Variants in MYO5C observed in about 807,000 individuals in gnomAD.
The protein encoded by MYO5C is unconventional myosin-Vc.
MYO5C carries 194 observed loss-of-function variants against 235.7 expected under a neutral mutation model. That is an observed-to-expected ratio of 0.82 (90% confidence interval 0.73 to 0.93). The LOEUF is 0.93. Among genes scored for constraint, MYO5C ranks in the 40% least tolerant of loss-of-function variants. The pLI is 0.00. For missense variants in MYO5C, 2,038 were observed against 2,127.2 expected, an observed-to-expected ratio of 0.96 and a Z score of 0.82; for synonymous variants, 707 against 754.8, an observed-to-expected ratio of 0.94 and a Z score of 1.04.
intron 36 of MYO5C, 43 bp downstream of exon 36, chr15:52,208,508 AGAC>A: frequency 1.9e-6 from 3 of 1,570,544 alleles, no homozygotes; most frequent in Non-Finnish European, 2.6e-6. Flanking sequence ...AGGAGGTTAT[AGAC>A]TGGCTGTCAG....
Position 52,193,973 on chromosome 15 carries a change from G to C in MYO5C, c.5158C>G (p.Pro1720Ala). ...YLFQVTFPFT[P>A]SPHALEMIQI... is the part of the protein sequence containing the mutation. ...ATCATTTCCAGAGCATGTGGAGAGG[G>C]GGTAAAAGGAAATGTGACTTGAAAG... The change falls in exon 41 of 41, where the codon CCC becomes GCC. Residue 1720 changes from proline to alanine, a missense_variant. Transcript: ENST00000261839. 2 of 1,613,706 alleles carry C rather than the reference G, an allele frequency of 1.2e-6. No individual in the cohort carries two copies. Among genetic ancestry groups the C allele is most frequent in the Non-Finnish European group, 1.7e-6 (2 of 1,179,864 alleles).
At chr15:52,206,187 C>T (rs1874657810) in intron 36 of MYO5C, among the ~76,000 whole-genome samples, 1 of 152,148 alleles carries the variant, frequency 6.6e-6, no homozygotes, top group South Asian at 2.1e-4. Context: ...CACTTCCCTA[C>T]AAACATTGTC....
intron 7 of MYO5C, 32 bp from the exon 8 acceptor site, chr15:52,269,892 G>T: frequency 1.4e-6 from 2 of 1,461,802 alleles, no homozygotes; most frequent in Non-Finnish European, 1.9e-6. Flanking sequence ...TGTTATGTCT[G>T]TAACACAGAA....
At chr15:52,243,731 C>T (rs1340674987) in intron 19 of MYO5C, among the ~76,000 whole-genome samples, 1 of 152,244 alleles carries the variant, frequency 6.6e-6, no homozygotes, top group Admixed American at 6.5e-5. Context: ...CACCAAAGCC[C>T]TGGAAGTCCC....
At chr15:52,249,619 G>A (rs1455957548) in intron 13 of MYO5C, among the ~76,000 whole-genome samples, 1 of 152,126 alleles carries the variant, frequency 6.6e-6, no homozygotes, top group African/African-American at 2.4e-5. Flanking sequence ...AGGAACACCG[G>A]CTGTTTGCAA....
chr15:52,238,345 C>T (rs2036134590), intron 21 of MYO5C, among the ~76,000 whole-genome samples: 1 of 152,232 alleles, frequency 6.6e-6, no homozygotes, highest in South Asian at 2.1e-4. Context: ...TGCTCCTGGC[C>T]GGCTGCGGCT....
intron 38 of MYO5C, among the ~76,000 whole-genome samples, chr15:52,199,384 C>T (rs2035131878): frequency 6.6e-6 from 1 of 152,116 alleles, no homozygotes; most frequent in Admixed American, 6.5e-5. Flanking sequence ...CTTGTCTGTC[C>T]CACTGAATGC....
rs1478550680 is a variant in MYO5C, at chr15:52,245,462, C to A, written c.2070G>T (p.Trp690Cys). 1 of 1,611,102 alleles carries A rather than the reference C, an allele frequency of 6.2e-7. No individual in the cohort carries two copies. Among genetic ancestry groups the A allele is most frequent in the South Asian group, 1.1e-5 (1 of 91,018 alleles). Residue 690 changes from tryptophan to cysteine, a missense_variant, in exon 18 of 41, where the codon TGG (tryptophan) becomes TGT (cysteine). Coordinates refer to ENST00000261839, the MANE Select transcript of MYO5C (RefSeq NM_018728.4). Reference protein sequence around the residue: ...RISAQSYPSRWTYIEFYSRYG... With the variant: ...RISAQSYPSRCTYIEFYSRYG... ...AGCGACTGTAGAACTCGATGTATGT[C>A]CACCTGGAAAATCAAAGGGGATCAA... is the stretch of plus-strand genomic sequence containing the variant.
chr15:52,225,067 A>G lies in MYO5C; in HGVS notation c.3365+8T>C, dbSNP rs2035790477. The G allele has an allele frequency of 3.7e-6, 6 of 1,614,090 alleles. No homozygotes were observed. The highest frequency in any genetic ancestry group is 1.7e-6 in the Non-Finnish European group (2 of 1,179,982). On this transcript the variant is annotated splice_region_variant and intron_variant, in intron 27 of 40. Coordinates refer to ENST00000261839, the MANE Select transcript of MYO5C (RefSeq NM_018728.4). ...TCTTAAAATGTTTGATAATGCAAAA[A>G]TGATTACCTGCTTCTTACATCTTCA...
chr15:52,218,102 A>C (rs1172695748), intron 32 of MYO5C, among the ~76,000 whole-genome samples: 2 of 152,254 alleles, frequency 1.3e-5, no homozygotes, highest in East Asian at 3.8e-4. Flanking sequence ...TCATAGAAGA[A>C]CATTTTGACT....
At chr15:52,289,613 A>C (rs1425854309) in intron 1 of MYO5C, among the ~76,000 whole-genome samples, 4 of 136,948 alleles carry the variant, frequency 2.9e-5, no homozygotes, top group Admixed American at 7.2e-5. Flanking sequence ...CCCCAACCCT[A>C]CCCCCACCAA....
At chr15:52,240,633 G>A (rs1428129488) in intron 20 of MYO5C, among the ~76,000 whole-genome samples, 4 of 151,916 alleles carry the variant, frequency 2.6e-5, no homozygotes, top group African/African-American at 4.8e-5. Flanking sequence ...TCAGGAGGCC[G>A]AGATGGGAGG....
At chr15:52,286,761 T>C (rs1418378614) in intron 1 of MYO5C, among the ~76,000 whole-genome samples, 2 of 151,688 alleles carry the variant, frequency 1.3e-5, no homozygotes, top group Non-Finnish European at 2.9e-5. Flanking sequence ...TTGAGAGTCA[T>C]CACCACTCCC....
At chr15:52,201,320 C>A (rs1596131559) in intron 38 of MYO5C, among the ~76,000 whole-genome samples, 1 of 152,072 alleles carries the variant, frequency 6.6e-6, no homozygotes, top group African/African-American at 2.4e-5. Flanking sequence ...GGGAATAATT[C>A]AAATGACTAT....
Position 52,294,282 on chromosome 15 carries a change from C to G in MYO5C, c.27+1328G>C, listed in dbSNP as rs184445284. The stretch of plus-strand genomic sequence containing the variant: ...CGTCGAAGACTAGTCCAAGACTTTT[C>G]TTTCACTTCCAGTAAACTGAAGGCT... On this transcript the variant is annotated intron_variant, in intron 1 of 40. Coordinates refer to ENST00000261839, the MANE Select transcript of MYO5C (RefSeq NM_018728.4). Among the ~76,000 whole-genome samples, 3 of 152,364 alleles carry G rather than the reference C, an allele frequency of 2.0e-5. No individual in the cohort carries two copies. In the East Asian group the frequency reaches 5.8e-4, roughly 29 times the overall value.
chr15:52,205,117 T>C lies in MYO5C; in HGVS notation c.4568A>G (p.Gln1523Arg). ...TGTGGGCTTCAGGCCGGAAATGCCCTGCAGGCTCTCATACTCCAGCATTCC... is the reference window on the plus strand; with the variant it reads ...TGTGGGCTTCAGGCCGGAAATGCCCCGCAGGCTCTCATACTCCAGCATTCC... ...VPGMLEYESL[Q>R]GISGLKPTGF... Residue 1523 changes from glutamine (Q) to arginine (R), a missense_variant, in exon 38 of 41, where the codon CAG becomes CGG. By Grantham distance (43) the Gln-to-Arg change is conservative. Coordinates refer to ENST00000261839, the MANE Select transcript of MYO5C (RefSeq NM_018728.4). 1 of 1,614,206 alleles carries C rather than the reference T, an allele frequency of 6.2e-7. No homozygotes were observed. Among genetic ancestry groups the C allele is most frequent in the Non-Finnish European group, 8.5e-7 (1 of 1,180,038 alleles).
intron 10 of MYO5C, among the ~76,000 whole-genome samples, chr15:52,257,786 G>T (rs746481246): frequency 2.6e-5 from 4 of 152,198 alleles, no homozygotes; most frequent in Non-Finnish European, 5.9e-5. Context: ...TGCCTCCAAA[G>T]CTTTGTTCTT....
At chr15:52,202,330 T>A (rs1226229342) in intron 38 of MYO5C, among the ~76,000 whole-genome samples, 1 of 152,086 alleles carries the variant, frequency 6.6e-6, no homozygotes, top group Non-Finnish European at 1.5e-5. Flanking sequence ...TGAGCCAAGA[T>A]CGTGCCACTG....
intron 1 of MYO5C, among the ~76,000 whole-genome samples, chr15:52,284,880 C>T (rs1448850534): frequency 1.3e-5 from 2 of 150,478 alleles, no homozygotes; most frequent in Non-Finnish European, 1.5e-5. Context: ...AGTTTTGTGG[C>T]CCAGGCTGGA....
Sources: allele counts gnomAD v4.1 joint callset (sites outside exome capture counted in the v4.1 genomes callset), GRCh38; gene constraint gnomAD v4.1.1; transcripts MANE v1.5; gene names NCBI Gene and HGNC (gene_info 2026-07-23, HGNC 2026-07-21).